The following NRXN3 variants were observed in gnomAD, a reference collection of about 807,000 sequenced individuals.
NRXN3 encodes the protein neurexin 3.
Under a neutral mutation model 137.6 loss-of-function variants are expected in NRXN3, and 32 were observed. The ratio of observed to expected loss-of-function variants is 0.23; its 90% CI spans 0.18 to 0.31. The LOEUF (loss-of-function observed/expected upper bound fraction) is 0.31, where lower values mean the gene tolerates loss of function less well. Among genes scored for constraint, NRXN3 ranks in the 10% least tolerant of loss-of-function variants. The pLI is 1.00. For synonymous variants in NRXN3, 798 were observed against 784.5 expected (o/e 1.02, Z -0.29); for missense variants, 1,574 against 2,062.5 (o/e 0.76, Z 4.59).
intron 16 of NRXN3, among the ~76,000 whole-genome samples, chr14:79,575,208 G>T (rs908582399): frequency 1.3e-5 from 2 of 152,134 alleles, no homozygotes; most frequent in African/African-American, 2.4e-5. Context: ...GTACCTAATT[G>T]TTCATGGCTC....
intron 4 of NRXN3, among the ~76,000 whole-genome samples, chr14:78,342,903 A>T (rs548978487): frequency 6.6e-6 from 1 of 152,132 alleles, no homozygotes; most frequent in South Asian, 2.1e-4. Context: ...TCATTTCTTT[A>T]TCTACTCCCC....
intron 10 of NRXN3, among the ~76,000 whole-genome samples, chr14:78,953,584 T>G (rs1301896793): frequency 6.6e-6 from 1 of 152,200 alleles, no homozygotes; most frequent in Non-Finnish European, 1.5e-5. Context: ...AGTAAACAAT[T>G]AAACACTCTA....
At position 79,317,227 on chromosome 14, in the gene NRXN3, C is replaced by T. The variant is rs542659823; in HGVS notation, c.3263-149994C>T. Among the ~76,000 whole-genome samples, 6 of 151,936 alleles carry T rather than the reference C, an allele frequency of 3.9e-5. No homozygotes were observed. The East Asian group carries it at 1.2e-3, about 30-fold the overall frequency. On this transcript the variant is annotated intron_variant, in intron 15 of 20. Transcript: ENST00000335750. Reference sequence around the variant, plus strand: ...AGCCTGGGTGACAAGAGCGAGGCTACTTCTCAAAAAAGAAAAAAAAAGTGT... The same window carrying T: ...AGCCTGGGTGACAAGAGCGAGGCTATTTCTCAAAAAAGAAAAAAAAAGTGT...
At chr14:78,661,024 A>G (rs956104390) in intron 6 of NRXN3, among the ~76,000 whole-genome samples, 1 of 152,246 alleles carries the variant, frequency 6.6e-6, no homozygotes, top group Non-Finnish European at 1.5e-5. Context: ...TGTAAATACA[A>G]TTTTTGAAAC....
chr14:79,441,938 C>T (rs138424109), intron 15 of NRXN3, among the ~76,000 whole-genome samples: 1 of 151,724 alleles, frequency 6.6e-6, no homozygotes, highest in African/African-American at 2.4e-5. Flanking sequence ...TGCTATTAAT[C>T]TATTTGTGAT....
At chr14:78,512,668 T>C (rs1484032541) in intron 4 of NRXN3, among the ~76,000 whole-genome samples, 1 of 152,154 alleles carries the variant, frequency 6.6e-6, no homozygotes, top group Non-Finnish European at 1.5e-5. Context: ...AGTTTATTTG[T>C]TTCTCACAGG....
chr14:78,216,493 G>A (rs2063295212), intron 1 of NRXN3, among the ~76,000 whole-genome samples: 1 of 152,124 alleles, frequency 6.6e-6, no homozygotes. Flanking sequence ...CAGCAGTGGG[G>A]AAGCTACAGG....
chr14:79,176,554 G>A (rs779605912), intron 15 of NRXN3, among the ~76,000 whole-genome samples: 2 of 152,078 alleles, frequency 1.3e-5, no homozygotes. Context: ...ATATGCAACC[G>A]GCACTCTAGC....
At chr14:79,335,432 A>T (rs553982283) in intron 15 of NRXN3, among the ~76,000 whole-genome samples, 1 of 152,030 alleles carries the variant, frequency 6.6e-6, no homozygotes, top group East Asian at 1.9e-4. Flanking sequence ...TCCTGAATTT[A>T]TGCTTGTTGT....
intron 1 of NRXN3, among the ~76,000 whole-genome samples, chr14:78,225,955 GTGTGTGTGTGTGTGTGTTGGTGT>G (rs2064516881): frequency 7.6e-6 from 1 of 130,798 alleles, no homozygotes. Flanking sequence ...TTTTTTTGGT[GTGTGTGTGTGTGTGTGTTGGTGT>G]GTGTGTGTGT....
At chr14:79,094,497 C>T (rs370274452) in intron 15 of NRXN3, among the ~76,000 whole-genome samples, 3 of 152,180 alleles carry the variant, frequency 2.0e-5, no homozygotes, top group Non-Finnish European at 2.9e-5. Context: ...GCCTCTTACT[C>T]GGTCTAAAGT....
intron 4 of NRXN3, chr14:78,526,898 C>T: frequency 2.4e-6 from 1 of 424,686 alleles, no homozygotes; most frequent in Non-Finnish European, 4.7e-6. Flanking sequence ...AGTTTTCACA[C>T]CTGGCTGTAT....
At chr14:79,465,732 G>T (rs2096412934) in intron 15 of NRXN3, among the ~76,000 whole-genome samples, 1 of 152,196 alleles carries the variant, frequency 6.6e-6, no homozygotes, top group African/African-American at 2.4e-5. Flanking sequence ...TATCTGAATG[G>T]TTGTATAATG....
intron 3 of NRXN3, among the ~76,000 whole-genome samples, chr14:78,295,750 A>G (rs1186411478): frequency 1.3e-5 from 2 of 152,132 alleles, no homozygotes; most frequent in East Asian, 1.9e-4. Flanking sequence ...CAGGTGGCCG[A>G]TGTAGATTGT....
intron 4 of NRXN3, among the ~76,000 whole-genome samples, chr14:78,420,855 G>A (rs944975380): frequency 6.6e-6 from 1 of 152,200 alleles, no homozygotes; most frequent in East Asian, 1.9e-4. Context: ...TTACAAGTGG[G>A]TTTTTGAAAT....
chr14:79,857,306 C>T (rs1603620222), intron 20 of NRXN3, among the ~76,000 whole-genome samples: 1 of 152,170 alleles, frequency 6.6e-6, no homozygotes, highest in Admixed American at 6.5e-5. Context: ...ACTGCAAGCT[C>T]TGCCTCCCAG....
At chr14:79,381,960 T>C (rs956182041) in intron 15 of NRXN3, among the ~76,000 whole-genome samples, 6 of 152,162 alleles carry the variant, frequency 3.9e-5, no homozygotes, top group Non-Finnish European at 5.9e-5. Context: ...TTAACACTCC[T>C]TGTACTCTGA....
At chr14:78,291,150 A>T (rs1458169051) in intron 3 of NRXN3, among the ~76,000 whole-genome samples, 1 of 152,168 alleles carries the variant, frequency 6.6e-6, no homozygotes, top group Non-Finnish European at 1.5e-5. Flanking sequence ...TTAGCACTGA[A>T]CTAGAGGGGG....
intron 4 of NRXN3, among the ~76,000 whole-genome samples, chr14:78,607,302 G>A (rs1211954129): frequency 1.3e-5 from 2 of 152,188 alleles, no homozygotes; most frequent in Non-Finnish European, 2.9e-5. Flanking sequence ...TTCCCGCTGA[G>A]CTTCCATGAA....
Sources: allele counts gnomAD v4.1 joint callset (sites outside exome capture counted in the v4.1 genomes callset), GRCh38; gene constraint gnomAD v4.1.1; transcripts MANE v1.5; gene names NCBI Gene and HGNC (gene_info 2026-07-23, HGNC 2026-07-21).